The following SLF2 variants were observed in gnomAD, a reference collection of about 807,000 sequenced individuals.
SLF2 encodes the protein SMC5-SMC6 complex localization factor protein 2.
In SLF2, 68 loss-of-function variants were observed where a neutral mutation model predicts 124.3. That is an observed-to-expected ratio of 0.55 (90% CI 0.45 to 0.67). The LOEUF is 0.67. Among genes scored for constraint, SLF2 ranks in the 30% least tolerant of loss-of-function variants. The probability of loss-of-function intolerance (pLI) is 0.00; values close to 1 mark genes in which losing one functional copy is unlikely to be tolerated. For synonymous variants in SLF2, 480 were observed against 478.8 expected (o/e 1.00, Z -0.03); for missense variants, 1,246 against 1,373.7 (o/e 0.91, Z 1.47).
At position 100,917,293 on chromosome 10, in the gene SLF2, C is replaced by G; in HGVS notation, c.908C>G (p.Ser303Ter). 6.2e-7 allele frequency: 1 copy of G among 1,607,662 alleles called. No homozygotes were observed. Among genetic ancestry groups the G allele is most frequent in the Non-Finnish European group, 8.5e-7 (1 of 1,177,944 alleles). Residue 303 changes from serine (S) to a stop codon, truncating the protein, a stop_gained, in exon 3 of 20, where the codon TCA becomes TGA. Transcript: ENST00000238961. LOFTEE classifies it high-confidence loss of function. ...ATCATACCTGGAAAAAATAATCTGT[C>G]AAATGTGGTATGTGTAAGAATTATT... ...NDIIPGKNNL[S>*]NVENGHLSRK...
intron 4 of SLF2, among the ~76,000 whole-genome samples, chr10:100,921,971 C>T (rs549338056): frequency 1.8e-4 from 28 of 152,302 alleles, no homozygotes; most frequent in Non-Finnish European, 3.5e-4. Flanking sequence ...GAGATAAGGG[C>T]ATTTGTTAAT....
At chr10:100,939,626 C>T (rs1849929505) in intron 11 of SLF2, among the ~76,000 whole-genome samples, 1 of 145,110 alleles carries the variant, frequency 6.9e-6, no homozygotes, top group South Asian at 2.2e-4. Flanking sequence ...TACAGTGAGC[C>T]GAGATCACAC....
At chr10:100,952,417 G>T (rs956774596) in intron 17 of SLF2, among the ~76,000 whole-genome samples, 3 of 149,602 alleles carry the variant, frequency 2.0e-5, no homozygotes, top group Non-Finnish European at 4.4e-5. Flanking sequence ...CATGGTGGCA[G>T]ACACCTGTAA....
intron 11 of SLF2, among the ~76,000 whole-genome samples, chr10:100,942,834 G>GC (rs1222206662): frequency 6.6e-6 from 1 of 152,070 alleles, no homozygotes; most frequent in East Asian, 1.9e-4. Context: ...TTGCCGTATT[G>GC]CCCAGGCTAG....
intron 4 of SLF2, among the ~76,000 whole-genome samples, chr10:100,922,793 T>G (rs1222719910): frequency 6.6e-6 from 1 of 150,556 alleles, no homozygotes; most frequent in Non-Finnish European, 1.5e-5. Flanking sequence ...TTTTTTTTTT[T>G]GAAACGGAGT....
intron 15 of SLF2, among the ~76,000 whole-genome samples, chr10:100,949,233 A>G (rs1850164474): frequency 6.6e-6 from 1 of 152,176 alleles, no homozygotes; most frequent in Non-Finnish European, 1.5e-5. Flanking sequence ...CATTCCTTTC[A>G]TTGATATTTA....
At chr10:100,931,457 C>T (rs1271620136) in intron 9 of SLF2, among the ~76,000 whole-genome samples, 3 of 151,606 alleles carry the variant, frequency 2.0e-5, no homozygotes, top group Non-Finnish European at 4.4e-5. Flanking sequence ...TTTCCCCATT[C>T]GTATATATGG....
intron 18 of SLF2, among the ~76,000 whole-genome samples, chr10:100,957,611 G>A (rs1451635307): frequency 2.0e-5 from 3 of 150,766 alleles, no homozygotes; most frequent in Admixed American, 6.6e-5. Flanking sequence ...TGCCTGCCTC[G>A]GCATCCCAAA....
intron 3 of SLF2, among the ~76,000 whole-genome samples, chr10:100,918,067 C>G (rs1314946918): frequency 6.6e-6 from 1 of 152,192 alleles, no homozygotes; most frequent in African/African-American, 2.4e-5. Context: ...GCCTGGGTGA[C>G]AGAGCGAGAC....
intron 17 of SLF2, among the ~76,000 whole-genome samples, chr10:100,953,525 A>G (rs1173445714): frequency 1.3e-5 from 2 of 151,602 alleles, no homozygotes; most frequent in African/African-American, 2.4e-5. Flanking sequence ...AAAGACTCCT[A>G]CAATCCAGTG....
intron 9 of SLF2, among the ~76,000 whole-genome samples, chr10:100,931,607 C>T (rs909217070): frequency 2.0e-5 from 3 of 151,994 alleles, no homozygotes; most frequent in Admixed American, 1.3e-4. Context: ...TTTTAAATAT[C>T]AGTGGTATCA....
chr10:100,926,026 T>A lies in SLF2; in HGVS notation c.2042+7T>A. ...AAATGGAAGACACACAAAGGTTTGTTAGCATAAAGATTAATTTGCTAAATT... is the reference window on the plus strand; with the variant it reads ...AAATGGAAGACACACAAAGGTTTGTAAGCATAAAGATTAATTTGCTAAATT... On this transcript the variant is annotated splice_region_variant and intron_variant, in intron 6 of 19. Coordinates refer to ENST00000238961, the MANE Select transcript of SLF2 (RefSeq NM_018121.4). The A allele has an allele frequency of 6.2e-7, 1 of 1,614,228 alleles. No homozygotes were observed.
intron 15 of SLF2, among the ~76,000 whole-genome samples, chr10:100,948,621 G>A (rs548159245): frequency 9.9e-5 from 15 of 152,236 alleles, no homozygotes; most frequent in Middle Eastern, 6.8e-3. Flanking sequence ...AGTGGCTCAC[G>A]CCTGTAATCC....
At chr10:100,930,019 T>G in intron 8 of SLF2, 22 bp downstream of exon 8, 2 of 1,434,124 alleles carry the variant, frequency 1.4e-6, no homozygotes, top group Non-Finnish European at 1.9e-6. Context: ...AATAGACATT[T>G]TACTTTTATA....
chr10:100,948,963 C>T (rs1850159917), intron 15 of SLF2, among the ~76,000 whole-genome samples: 1 of 152,176 alleles, frequency 6.6e-6, no homozygotes, highest in African/African-American at 2.4e-5. Context: ...AGGTATGCCA[C>T]CAGATCCTAG....
At chr10:100,956,411 C>A in intron 17 of SLF2, 40 bp from the exon 18 acceptor site, 2 of 1,405,418 alleles carry the variant, frequency 1.4e-6, no homozygotes, top group Non-Finnish European at 2.0e-6. Flanking sequence ...ATTTGTAATG[C>A]TTCAGAATTG....
chr10:100,932,692 A>AGTGTGT lies in SLF2; in HGVS notation c.2436+1638_2436+1643dup, dbSNP rs111530755. 1.4e-3 allele frequency among the ~76,000 whole-genome samples: 189 copies of AGTGTGT among 133,610 alleles called. 1 individual carries two copies. Among genetic ancestry groups the AGTGTGT allele is most frequent in the Middle Eastern group, 8.5e-3 (2 of 236 alleles). 87.7% of individuals were successfully genotyped at this position (133,610 alleles called of 152,430 possible). ...GCTAATGTAGAGGAGACAAACAATA[A>AGTGTGT]GTGTGTGTGTGTGTGTGTGTGTGTG... On this transcript the variant is annotated intron_variant, in intron 9 of 19. Transcript: ENST00000238961.
At position 100,963,154 on chromosome 10, in the gene SLF2, G is replaced by C. The variant is rs1026045611; in HGVS notation, c.*1242G>C. On this transcript the variant is annotated 3_prime_UTR_variant, in exon 20 of 20. Coordinates refer to ENST00000238961, the MANE Select transcript of SLF2 (RefSeq NM_018121.4). Reference sequence around the variant, plus strand: ...TCTCCTGAGTGCTCTAGTGTCTCCAGTTGTGGGGGGGAAAGATGATGGAGG... The same window carrying C: ...TCTCCTGAGTGCTCTAGTGTCTCCACTTGTGGGGGGGAAAGATGATGGAGG... 6.6e-6 allele frequency: 1 copy of C among 152,528 alleles called. No homozygotes were observed. The highest frequency in any genetic ancestry group is 1.5e-5 in the Non-Finnish European group (1 of 68,026). The allele number at this position is 152,528 out of a possible 1,614,324, so 9.4% of individuals were successfully genotyped here. A position where few individuals can be genotyped will look rare whatever the true frequency, so the allele number is the denominator to read the frequency against.
At chr10:100,950,644 A>G in intron 16 of SLF2, 32 bp from the exon 17 acceptor site, 1 of 1,547,554 alleles carries the variant, frequency 6.5e-7, no homozygotes, top group Non-Finnish European at 8.9e-7. Flanking sequence ...TAGCTAATTC[A>G]TAGGTGTTAA....
Sources: allele counts gnomAD v4.1 joint callset (sites outside exome capture counted in the v4.1 genomes callset), GRCh38; gene constraint gnomAD v4.1.1; transcripts MANE v1.5; gene names NCBI Gene and HGNC (gene_info 2026-07-23, HGNC 2026-07-21).